The following LYZL4 variants were observed in gnomAD, a reference collection of about 807,000 sequenced individuals.
The protein encoded by LYZL4 is lysozyme-like protein 4.
In LYZL4, 13 loss-of-function variants were observed where a neutral mutation model predicts 17.6. That is an observed-to-expected ratio of 0.74 (90% CI 0.48 to 1.18). The LOEUF is 1.18. LYZL4 is among the 50% of genes most tolerant of loss of function. LYZL4 has a pLI of 0.00. For synonymous variants in LYZL4, 64 were observed against 67.7 expected, an observed-to-expected ratio of 0.95 and a Z score of 0.27; for missense variants, 174 against 188.2, an observed-to-expected ratio of 0.92 and a Z score of 0.44.
At chr3:42,384,977 AAG>A in the LYZL4 span, among the ~76,000 whole-genome samples, 5 of 152,232 alleles carry the variant, frequency 3.3e-5, no homozygotes, top group Admixed American at 3.3e-4. Flanking sequence ...GGAGTGGAAC[AAG>A]AGAGAAAAAT....
In LYZL4 at chr3:42,404,081, C is replaced by A; in HGVS notation, c.336G>T (p.Lys112Asn). 6.2e-7 allele frequency: 1 copy of A among 1,613,000 alleles called. No individual in the cohort carries two copies. The highest frequency in any genetic ancestry group is 8.5e-7 in the Non-Finnish European group (1 of 1,179,080). The change falls in exon 4 of 5, where the codon AAG becomes AAT. Residue 112 changes from lysine to asparagine, a missense_variant. Transcript: ENST00000287748. ...TCCCTTCTTTTCCTTTTACAATGGT[C>A]TTGGCACATTTAATTGTCTTCTCTA... ...PNLEKTIKCA[K>N]TIVKGKEGMG...
At chr3:42,398,776 C>T (rs1349290819) in intron 4 of LYZL4, among the ~76,000 whole-genome samples, 2 of 151,768 alleles carry the variant, frequency 1.3e-5, no homozygotes, top group African/African-American at 4.8e-5. Context: ...ACAATTTTGG[C>T]GTACAAAAGA....
chr3:42,407,197 C>T lies in LYZL4; in HGVS notation c.55G>A (p.Ala19Thr). Residue 19 changes from alanine (A) to threonine (T), a missense_variant, in exon 2 of 5, where the codon GCT becomes ACT. Transcript: ENST00000287748. ...LLGYLVVPSG[A>T]YILGRCTVAK... ...ACTGTGCAACGCCCCAAGATGTAAGCACCACTTGGAACCACCAGGTAGCCA... is the reference window on the plus strand; with the variant it reads ...ACTGTGCAACGCCCCAAGATGTAAGTACCACTTGGAACCACCAGGTAGCCA... 1 of 1,614,188 alleles carries T rather than the reference C, an allele frequency of 6.2e-7. No homozygotes were observed. Among genetic ancestry groups the T allele is most frequent in the Non-Finnish European group, 8.5e-7 (1 of 1,180,040 alleles).
Position 42,397,299 on chromosome 3 carries a change from G to T in LYZL4, c.407C>A (p.Thr136Asn), listed in dbSNP as rs550819792. The T allele has an allele frequency of 1.2e-4, 184 of 1,572,360 alleles. 1 individual carries two copies. In the Admixed American group the frequency reaches 2.5e-3, roughly 22 times the overall value. ...TWSRYCQYSD[T>N]LARWLDGCKL Reference sequence around the variant, plus strand: ...GCAACCATCCAGCCACCGTGCCAGGGTATCGGAGTACTGGCAGTACCGGGA... The same window carrying T: ...GCAACCATCCAGCCACCGTGCCAGGTTATCGGAGTACTGGCAGTACCGGGA... The change falls in exon 5 of 5, where the codon ACC becomes AAC. Residue 136 changes from threonine (T) to asparagine (N), a missense_variant. Transcript: ENST00000287748.
chr3:42,406,950 T>C lies in LYZL4; in HGVS notation c.188A>G (p.Tyr63Cys). ...AGTGTAGCCCTCACGTGTGTTCTCG[T>C]AGATGGCCATGGGGTTGAACTTGCT... ...FESKFNPMAI[Y>C]ENTREGYTGF... Residue 63 changes from tyrosine to cysteine, a missense_variant, in exon 3 of 5, where the codon TAC becomes TGC. Transcript: ENST00000287748. 6.2e-7 allele frequency: 1 copy of C among 1,614,156 alleles called. No individual in the cohort carries two copies. The highest frequency in any genetic ancestry group is 8.5e-7 in the Non-Finnish European group (1 of 1,180,026).
the LYZL4 span, among the ~76,000 whole-genome samples, chr3:42,388,150 A>G: frequency 1.3e-5 from 2 of 152,196 alleles, no homozygotes; most frequent in African/African-American, 4.8e-5. Flanking sequence ...AAGAAAAAAC[A>G]AAAGGGGAGT....
the LYZL4 span, among the ~76,000 whole-genome samples, chr3:42,390,166 G>A: frequency 6.6e-6 from 1 of 152,192 alleles, no homozygotes; most frequent in Non-Finnish European, 1.5e-5. Context: ...GAGATTGGTG[G>A]CTATAAGGTC....
chr3:42,390,464 C>T, the LYZL4 span, among the ~76,000 whole-genome samples: 1 of 152,166 alleles, frequency 6.6e-6, no homozygotes, highest in South Asian at 2.1e-4. Context: ...CCTAATATAA[C>T]ATCAATCCCC....
chr3:42,363,378 C>T, the LYZL4 span, among the ~76,000 whole-genome samples: 14 of 152,048 alleles, frequency 9.2e-5, no homozygotes, highest in Admixed American at 9.2e-4. Flanking sequence ...TATCCTTATT[C>T]TAAGGAGATG....
At chr3:42,392,842 G>A (rs1157297224), downstream of LYZL4, among the ~76,000 whole-genome samples, 1 of 152,168 alleles carries the variant, frequency 6.6e-6, no homozygotes, top group Non-Finnish European at 1.5e-5. Flanking sequence ...TGGGGTCTTA[G>A]AATTGAGATT....
downstream of LYZL4, among the ~76,000 whole-genome samples, chr3:42,392,888 G>C (rs981367234): frequency 6.6e-6 from 1 of 152,200 alleles, no homozygotes; most frequent in African/African-American, 2.4e-5. Context: ...TGGCAAGGCT[G>C]ATAGGCTGAA....
At chr3:42,364,035 C>T in the LYZL4 span, among the ~76,000 whole-genome samples, 1 of 152,124 alleles carries the variant, frequency 6.6e-6, no homozygotes, top group Non-Finnish European at 1.5e-5. Context: ...ACCTTGTGAC[C>T]CTCCCAGAAC....
chr3:42,384,318 C>T, the LYZL4 span, among the ~76,000 whole-genome samples: 7 of 152,026 alleles, frequency 4.6e-5, no homozygotes, highest in Admixed American at 2.0e-4. Flanking sequence ...TTGTGGAGGG[C>T]GAATTTCAAT....
chr3:42,386,412 C>CCCCCCCCT, the LYZL4 span, among the ~76,000 whole-genome samples: 1 of 117,008 alleles, frequency 8.5e-6, no homozygotes, highest in Non-Finnish European at 1.9e-5. Context: ...CCCCCCCCCC[C>CCCCCCCCT]GCCTCCCTCT....
At chr3:42,392,781 G>A (rs551392266), downstream of LYZL4, among the ~76,000 whole-genome samples, 15 of 152,306 alleles carry the variant, frequency 9.8e-5, no homozygotes, top group Non-Finnish European at 1.5e-5. Context: ...ATTGGCATCA[G>A]AGAGCTGCTT....
the LYZL4 span, among the ~76,000 whole-genome samples, chr3:42,380,729 T>C: frequency 6.6e-6 from 1 of 152,198 alleles, no homozygotes; most frequent in Non-Finnish European, 1.5e-5. Flanking sequence ...TTTCTTCTTA[T>C]TGGAGCTTCT....
In LYZL4 at chr3:42,407,174, T is replaced by C; in HGVS notation, c.78A>G (p.Thr26=). ...CTCCATCGTGGAGTTTCTTAGCCACTGTGCAACGCCCCAAGATGTAAGCAC... is the reference window on the plus strand; with the variant it reads ...CTCCATCGTGGAGTTTCTTAGCCACCGTGCAACGCCCCAAGATGTAAGCAC... ...PSGAYILGRC[T]VAKKLHDGGL... The change falls in exon 2 of 5, where the codon ACA becomes ACG. Residue 26 remains threonine, a synonymous_variant. Transcript: ENST00000287748. 6.2e-7 allele frequency: 1 copy of C among 1,614,186 alleles called. No individual in the cohort carries two copies. The highest frequency in any genetic ancestry group is 8.5e-7 in the Non-Finnish European group (1 of 1,180,034).
chr3:42,388,281 G>A, the LYZL4 span, among the ~76,000 whole-genome samples: 2 of 152,354 alleles, frequency 1.3e-5, no homozygotes, highest in Middle Eastern at 6.8e-3. Flanking sequence ...AGGGTCAGAT[G>A]TTGTATCAGC....
chr3:42,402,247 A>G (rs1698668923), intron 4 of LYZL4, among the ~76,000 whole-genome samples: 1 of 151,248 alleles, frequency 6.6e-6, no homozygotes, highest in South Asian at 2.1e-4. Flanking sequence ...TCCAGGCTAC[A>G]GTGAGCTATG....
Sources: allele counts gnomAD v4.1 joint callset (sites outside exome capture counted in the v4.1 genomes callset), GRCh38; gene constraint gnomAD v4.1.1; transcripts MANE v1.5; gene names NCBI Gene and HGNC (gene_info 2026-07-23, HGNC 2026-07-21).